Variants in AMACR observed in about 807,000 individuals in gnomAD.
AMACR encodes the protein alpha-methylacyl-CoA racemase, also known as 2-methylacyl-CoA racemase.
AMACR carries 18 observed loss-of-function variants against 22.2 expected under a neutral mutation model. That is an observed-to-expected ratio of 0.81 (90% CI 0.56 to 1.20). AMACR has a LOEUF of 1.20. Ranked by LOEUF, AMACR falls within the 50% of genes most tolerant of loss-of-function variation. The pLI is 0.00. For synonymous variants in AMACR, 213 were observed against 191.3 expected (o/e 1.11, Z -0.94); for missense variants, 499 against 490.6 (o/e 1.02, Z -0.16).
chr5:33,993,910 A>G (rs181307188), intron 4 of AMACR: 2 of 356,046 alleles, frequency 5.6e-6, no homozygotes, highest in East Asian at 1.5e-4. Context: ...AAAATTATCT[A>G]CTGATAAAAC....
intron 4 of AMACR, chr5:33,994,010 TA>T (rs754140078): frequency 1.8e-5 from 8 of 453,870 alleles, no homozygotes; most frequent in Middle Eastern, 3.5e-4. Flanking sequence ...GTTTTCAGAT[TA>T]TTTTTGTCCT....
chr5:33,991,619 T>C (rs1392200219), intron 4 of AMACR, among the ~76,000 whole-genome samples: 1 of 152,102 alleles, frequency 6.6e-6, no homozygotes, highest in Non-Finnish European at 1.5e-5. Flanking sequence ...TTTAAGTACA[T>C]GCCATAAACT....
At chr5:33,992,942 T>G (rs1274534863) in intron 4 of AMACR, among the ~76,000 whole-genome samples, 5 of 152,354 alleles carry the variant, frequency 3.3e-5, no homozygotes, top group African/African-American at 1.2e-4. Flanking sequence ...TCAGCCATTT[T>G]TTGGTGTACA....
At position 33,988,825 on chromosome 5, in the gene AMACR, T is replaced by G; in HGVS notation, c.*268A>C. The G allele has an allele frequency of 1.5e-6, 2 of 1,307,336 alleles. No individual in the cohort carries two copies. Among genetic ancestry groups the G allele is most frequent in the South Asian group, 3.7e-5 (2 of 54,708 alleles). The allele number at this position is 1,307,336 out of a possible 1,614,324, so 81.0% of individuals were successfully genotyped here. On this transcript the variant is annotated 3_prime_UTR_variant, in exon 5 of 5. Coordinates refer to ENST00000335606, the MANE Select transcript of AMACR (RefSeq NM_014324.6). ...TCAAAATATAAGTCAAGAATCTTAA[T>G]ATCAACAAATATATCAAGCAAACTG...
intron 4 of AMACR, among the ~76,000 whole-genome samples, chr5:33,994,521 T>C (rs35955559): frequency 9.2e-5 from 14 of 152,118 alleles, no homozygotes; most frequent in African/African-American, 3.4e-4. Context: ...CAGTAGGACT[T>C]GAGAGAGAAG....
At chr5:34,002,627 G>A (rs1753851750) in intron 3 of AMACR, among the ~76,000 whole-genome samples, 3 of 149,472 alleles carry the variant, frequency 2.0e-5, no homozygotes, top group East Asian at 2.0e-4. Context: ...AGTTAACCTC[G>A]CCAAGCCTTC....
intron 4 of AMACR, 59 bp downstream of exon 4, chr5:33,998,582 G>T: frequency 6.6e-7 from 1 of 1,517,294 alleles, no homozygotes; most frequent in South Asian, 1.3e-5. Flanking sequence ...CTTTAAAATA[G>T]AACCAAAGAA....
intron 2 of AMACR, among the ~76,000 whole-genome samples, 179 bp downstream of exon 2, chr5:34,005,577 G>A (rs1008205501): frequency 5.3e-5 from 8 of 152,154 alleles, no homozygotes; most frequent in Admixed American, 1.3e-4. Flanking sequence ...GATGGGGTGA[G>A]GGAAGGTTGA....
Position 33,988,937 on chromosome 5 carries a change from A to G in AMACR, c.*156T>C. 6.9e-7 allele frequency: 1 copy of G among 1,454,034 alleles called. No individual in the cohort carries two copies. The highest frequency in any genetic ancestry group is 9.0e-7 in the Non-Finnish European group (1 of 1,109,012). 90.1% of individuals were successfully genotyped at this position (1,454,034 alleles called of 1,614,324 possible). A position where few individuals can be genotyped will look rare whatever the true frequency, so the allele number is the denominator to read the frequency against. ...TAATGATAACCATTTTTAGAATTCA[A>G]TCATCACTGTAGAATCAGAGTCTGT... is the stretch of plus-strand genomic sequence containing the variant. On this transcript the variant is annotated 3_prime_UTR_variant, in exon 5 of 5. Coordinates refer to ENST00000335606, the MANE Select transcript of AMACR (RefSeq NM_014324.6).
rs771235608 is a variant in AMACR at position 33,989,149 on chromosome 5, A to T, written c.1093T>A (p.Tyr365Asn). The change falls in exon 5 of 5, where the codon TAT (tyrosine) becomes AAT (asparagine). Residue 365 changes from tyrosine to asparagine, a missense_variant. Coordinates refer to ENST00000335606, the MANE Select transcript of AMACR (RefSeq NM_014324.6). ...ATGATTTTATCTGAGTTAAGCTGAT[A>T]AATCTCTTCGCGGCTGAATCCAAAT... ...EEFGFSREEI[Y>N]QLNSDKIIES... is the part of the protein sequence containing the mutation. 6.2e-7 allele frequency: 1 copy of T among 1,614,228 alleles called. No homozygotes were observed. The highest frequency in any genetic ancestry group is 8.5e-7 in the Non-Finnish European group (1 of 1,180,034).
chr5:33,997,655 G>A (rs1753685399), intron 4 of AMACR: 2 of 688,072 alleles, frequency 2.9e-6, no homozygotes, highest in Non-Finnish European at 5.3e-6. Context: ...TTGGAGCAGT[G>A]ACAAAAGGCA....
rs1314188740 is a variant in AMACR at position 33,988,922 on chromosome 5, CA to C, written c.*170del. 1.1e-5 allele frequency: 16 copies of C among 1,436,550 alleles called. No individual in the cohort carries two copies. Among genetic ancestry groups the C allele is most frequent in the Non-Finnish European group, 1.5e-5 (16 of 1,101,010 alleles). The allele number at this position is 1,436,550 out of a possible 1,614,324, so 89.0% of individuals were successfully genotyped here. ...ATAAATCAAAAGCCCTAATGATAAC[CA>C]TTTTTAGAATTCAATCATCACTGTA... On this transcript the variant is annotated 3_prime_UTR_variant, in exon 5 of 5. Transcript: ENST00000335606.
In AMACR at chr5:33,993,854, A is replaced by C. The variant is rs374876734; in HGVS notation, c.740-4352T>G. 1.1e-4 allele frequency: 33 copies of C among 301,760 alleles called. 2 individuals carry two copies. Among genetic ancestry groups the C allele is most frequent in the East Asian group, 9.2e-4 (11 of 11,986 alleles). 18.7% of individuals were successfully genotyped at this position (301,760 alleles called of 1,614,324 possible). ...GCAGAGGTTACAGTGAGCCGAGATC[A>C]TGCCACTGCACTCCAGCCTGGGTGA... is the stretch of plus-strand genomic sequence containing the variant. On this transcript the variant is annotated intron_variant, in intron 4 of 4. Transcript: ENST00000335606.
At chr5:33,999,491 C>T (rs899608587) in intron 3 of AMACR, among the ~76,000 whole-genome samples, 7 of 152,122 alleles carry the variant, frequency 4.6e-5, no homozygotes, top group South Asian at 2.1e-4. Context: ...CATCTCATCA[C>T]GCCACCTTCC....
At position 33,988,866 on chromosome 5, in the gene AMACR, A is replaced by C. The variant is rs6863560; in HGVS notation, c.*227T>G. Reference sequence around the variant, plus strand: ...AAGCAAACTGGAAGGCAGAATAACTACCATAATTTAGTATAAGTACCCAAA... The same window carrying C: ...AAGCAAACTGGAAGGCAGAATAACTCCCATAATTTAGTATAAGTACCCAAA... On this transcript the variant is annotated 3_prime_UTR_variant, in exon 5 of 5. Coordinates refer to ENST00000335606, the MANE Select transcript of AMACR (RefSeq NM_014324.6). 20,571 of 1,377,722 alleles carry C rather than the reference A, an allele frequency of 0.015. 2,617 individuals carry two copies. The African/African-American group carries it at 0.27, about 18-fold the overall frequency. 85.3% of individuals were successfully genotyped at this position (1,377,722 alleles called of 1,614,324 possible). A position where few individuals can be genotyped will look rare whatever the true frequency, so the allele number is the denominator to read the frequency against.
intron 4 of AMACR, chr5:33,997,245 CT>C: frequency 1.3e-6 from 1 of 770,252 alleles, no homozygotes; most frequent in Non-Finnish European, 2.4e-6. Flanking sequence ...CTTCTTGATC[CT>C]TTCTTTATTG....
intron 1 of AMACR, among the ~76,000 whole-genome samples, chr5:34,006,706 A>T (rs1363451565): frequency 6.6e-6 from 1 of 152,258 alleles, no homozygotes; most frequent in Non-Finnish European, 1.5e-5. Flanking sequence ...CATAATCTTA[A>T]TTATTAAATC....
Position 33,998,610 on chromosome 5 carries a change from G to A in AMACR, c.739+31C>T, listed in dbSNP as rs748512651. 4 of 1,572,404 alleles carry A rather than the reference G, an allele frequency of 2.5e-6. No individual in the cohort carries two copies. In the African/African-American group the frequency reaches 4.1e-5, roughly 16 times the overall value. On this transcript the variant is annotated intron_variant, in intron 4 of 4. Transcript: ENST00000335606. ...CCAAAGAACATCCACAGCAAAAGGGGAACTGGGGGAGACGCGTGAAGTTCA... is the reference window on the plus strand; with the variant it reads ...CCAAAGAACATCCACAGCAAAAGGGAAACTGGGGGAGACGCGTGAAGTTCA...
chr5:34,003,184 C>T (rs1284486734), intron 3 of AMACR, among the ~76,000 whole-genome samples: 1 of 152,152 alleles, frequency 6.6e-6, no homozygotes, highest in African/African-American at 2.4e-5. Context: ...CCTTAAATGC[C>T]GGTGTTCTAT....
Sources: gnomAD v4.1 joint callset for allele counts (sites outside exome capture counted in the v4.1 genomes callset) on GRCh38, gnomAD v4.1.1 for gene constraint, MANE v1.5 for transcripts, NCBI Gene and HGNC (gene_info 2026-07-23, HGNC 2026-07-21) for gene names.